The following IPCEF1 variants were observed in gnomAD, a reference collection of about 807,000 sequenced individuals.
IPCEF1 encodes interactor protein for cytohesin exchange factors 1.
IPCEF1 carries 31 observed loss-of-function variants against 50.9 expected under a neutral mutation model. That is an observed-to-expected ratio of 0.61 (90% CI 0.46 to 0.82). The LOEUF (loss-of-function observed/expected upper bound fraction) is 0.82. Among genes scored for constraint, IPCEF1 ranks in the 40% least tolerant of loss-of-function variants. The pLI, the probability that IPCEF1 is intolerant of heterozygous loss-of-function variation, is 0.00. For missense variants in IPCEF1, 458 were observed against 514.0 expected (o/e 0.89, Z 1.05); for synonymous variants, 181 against 192.0 (o/e 0.94, Z 0.47).
chr6:154,280,581 C>T (rs993236776), intron 2 of IPCEF1, among the ~76,000 whole-genome samples: 12 of 152,180 alleles, frequency 7.9e-5, no homozygotes, highest in African/African-American at 2.9e-4. Flanking sequence ...AGAATATAAA[C>T]AATATGATTC....
chr6:154,272,476 C>A lies in IPCEF1; in HGVS notation c.-17-6512G>T, dbSNP rs1189053861. ...TAAAACAGTTATCTTCTTTAAAGAA[C>A]AATTTCTTAACAAACTACAACATGA... is the stretch of plus-strand genomic sequence containing the variant. On this transcript the variant is annotated intron_variant, in intron 2 of 11. Coordinates refer to ENST00000367220, the MANE Select transcript of IPCEF1 (RefSeq NM_001130700.2). 2.0e-5 allele frequency among the ~76,000 whole-genome samples: 3 copies of A among 152,168 alleles called. No homozygotes were observed. In the East Asian group the frequency reaches 5.8e-4, roughly 29 times the overall value.
intron 8 of IPCEF1, 50 bp downstream of exon 8, chr6:154,214,168 C>T: frequency 1.7e-6 from 2 of 1,175,938 alleles, no homozygotes; most frequent in Non-Finnish European, 2.6e-6. Flanking sequence ...CCTGTTTCAA[C>T]CTGTTCTAAT....
chr6:154,195,436 C>T lies in IPCEF1; in HGVS notation c.910+4232G>A, dbSNP rs570802737. On this transcript the variant is annotated intron_variant, in intron 10 of 11. Coordinates refer to ENST00000367220, the MANE Select transcript of IPCEF1 (RefSeq NM_001130700.2). ...TGCTGGGATTACAGGTGTGAGCCAC[C>T]GTGCCTGGCCCAGCTACAATAATTT... is the stretch of plus-strand genomic sequence containing the variant. Among the ~76,000 whole-genome samples the T allele has an allele frequency of 1.3e-4, 20 of 152,224 alleles. No homozygotes were observed. The South Asian group carries it at 4.2e-3, about 32-fold the overall frequency.
At chr6:154,215,941 A>G (rs1272172996) in intron 7 of IPCEF1, among the ~76,000 whole-genome samples, 1 of 152,242 alleles carries the variant, frequency 6.6e-6, no homozygotes, top group Non-Finnish European at 1.5e-5. Context: ...TCACCACTGG[A>G]TTGGAAAAAA....
At chr6:154,160,352 G>C (rs1798909898) in intron 11 of IPCEF1, among the ~76,000 whole-genome samples, 1 of 152,094 alleles carries the variant, frequency 6.6e-6, no homozygotes, top group African/African-American at 2.4e-5. Context: ...CTTGGTGTGG[G>C]AATCATGCCT....
intron 1 of IPCEF1, among the ~76,000 whole-genome samples, chr6:154,323,890 T>A (rs890824260): frequency 5.9e-5 from 9 of 152,100 alleles, no homozygotes; most frequent in Non-Finnish European, 1.2e-4. Flanking sequence ...GAGGCAGAGG[T>A]TGCAGTGAGC....
intron 1 of IPCEF1, among the ~76,000 whole-genome samples, chr6:154,305,645 G>A (rs1782912941): frequency 6.6e-6 from 1 of 152,206 alleles, no homozygotes; most frequent in South Asian, 2.1e-4. Context: ...TCCTGGGTGT[G>A]ACTGTCAGGG....
intron 3 of IPCEF1, 160 bp from the exon 4 acceptor site, chr6:154,247,648 A>G (rs1340199151): frequency 4.6e-5 from 26 of 567,208 alleles, no homozygotes; most frequent in Non-Finnish European, 7.3e-5. Context: ...GCTGAGGCAC[A>G]AAATGTGCTA....
intron 10 of IPCEF1, among the ~76,000 whole-genome samples, chr6:154,177,808 T>C (rs1728711530): frequency 6.6e-6 from 1 of 152,232 alleles, no homozygotes; most frequent in Non-Finnish European, 1.5e-5. Flanking sequence ...CAAAGGATTA[T>C]AAATCATGCT....
intron 1 of IPCEF1, among the ~76,000 whole-genome samples, chr6:154,345,845 T>G: frequency 9.4e-6 from 1 of 106,390 alleles, no homozygotes; most frequent in African/African-American, 3.1e-5. Context: ...TAAAATACAC[T>G]TTTATCTCAT....
At chr6:154,314,155 G>A (rs1337836138) in intron 1 of IPCEF1, among the ~76,000 whole-genome samples, 1 of 152,104 alleles carries the variant, frequency 6.6e-6, no homozygotes. Flanking sequence ...TTACATTTTT[G>A]TACATTTATA....
rs370285309 is a variant in IPCEF1 at position 154,155,787 on chromosome 6, G to GA, written c.*4040dup. The GA allele has an allele frequency of 2.3e-3, 332 of 146,996 alleles. 1 individual carries two copies. The highest frequency in any genetic ancestry group is 7.6e-3 in the African/African-American group (304 of 40,052). The allele number at this position is 146,996 out of a possible 1,614,324, so 9.1% of individuals were successfully genotyped here. A position where few individuals can be genotyped will look rare whatever the true frequency, so the allele number is the denominator to read the frequency against. On this transcript the variant is annotated 3_prime_UTR_variant, in exon 12 of 12. Transcript: ENST00000367220. ...CAGAGCAAGACTCTGTCTAAAAAAA[G>GA]AAAAAAAAAAGTATTTCTTACTAAG...
intron 1 of IPCEF1, among the ~76,000 whole-genome samples, chr6:154,291,975 G>A (rs547976995): frequency 1.6e-4 from 24 of 152,144 alleles, no homozygotes; most frequent in African/African-American, 3.1e-4. Context: ...GAGCCATCGC[G>A]CCTGGCCACA....
intron 1 of IPCEF1, among the ~76,000 whole-genome samples, chr6:154,333,457 G>A (rs1427616466): frequency 1.3e-5 from 2 of 151,690 alleles, no homozygotes; most frequent in Non-Finnish European, 1.5e-5. Context: ...TTCAGTTTTC[G>A]GACTCAAACT....
Position 154,158,084 on chromosome 6 carries a change from G to T in IPCEF1, c.*1744C>A, listed in dbSNP as rs1228940637. On this transcript the variant is annotated 3_prime_UTR_variant, in exon 12 of 12. Transcript: ENST00000367220. Reference sequence around the variant, plus strand: ...GTTTTTATTTCTTAATGCTAAGGTTGTTTTTTGTTTGTTTGTTTGTTTACA... The same window carrying T: ...GTTTTTATTTCTTAATGCTAAGGTTTTTTTTTGTTTGTTTGTTTGTTTACA... The T allele has an allele frequency of 6.6e-6, 1 of 152,174 alleles. No individual in the cohort carries two copies. Among genetic ancestry groups the T allele is most frequent in the Non-Finnish European group, 1.5e-5 (1 of 68,032 alleles). 9.4% of individuals were successfully genotyped at this position (152,174 alleles called of 1,614,324 possible).
chr6:154,229,346 G>GTTTT (rs34462600), intron 5 of IPCEF1, among the ~76,000 whole-genome samples: 5 of 112,676 alleles, frequency 4.4e-5, no homozygotes, highest in Admixed American at 1.0e-4. Flanking sequence ...AAGTTTGCCG[G>GTTTT]TTTTTTTTTT....
intron 5 of IPCEF1, among the ~76,000 whole-genome samples, chr6:154,224,507 C>T (rs770275124): frequency 1.3e-4 from 19 of 150,626 alleles, no homozygotes; most frequent in Non-Finnish European, 1.9e-4. Context: ...GAGGTGTTCA[C>T]GTTCAGCCCA....
At chr6:154,272,095 T>C (rs914788550) in intron 2 of IPCEF1, among the ~76,000 whole-genome samples, 1 of 152,244 alleles carries the variant, frequency 6.6e-6, no homozygotes, top group Non-Finnish European at 1.5e-5. Context: ...AACTGCTTAA[T>C]GCTCTGACTA....
At position 154,168,317 on chromosome 6, in the gene IPCEF1, A is replaced by C. The variant is rs533879320; in HGVS notation, c.911-204T>G. On this transcript the variant is annotated intron_variant, in intron 10 of 11. Coordinates refer to ENST00000367220, the MANE Select transcript of IPCEF1 (RefSeq NM_001130700.2). This position sits in a 1 kb window ranked among gnomAD's most constrained non-coding sequence, Gnocchi z 4.1. ...TACTGCAGAGCCACGTTCCCTGTGA[A>C]GGCACCAGGGAAGGAGTTATTCCAA... 4.6e-5 allele frequency among the ~76,000 whole-genome samples: 7 copies of C among 152,284 alleles called. No individual in the cohort carries two copies. The highest frequency in any genetic ancestry group is 1.7e-4 in the African/African-American group (7 of 41,556).
Sources: gnomAD v4.1 joint callset for allele counts (sites outside exome capture counted in the v4.1 genomes callset) on GRCh38, gnomAD v4.1.1 for gene constraint, Gnocchi (gnomAD v3.1) non-coding constraint, MANE v1.5 for transcripts, NCBI Gene and HGNC (gene_info 2026-07-23, HGNC 2026-07-21) for gene names.